The following ENPEP variants were observed in gnomAD, a reference collection of about 807,000 sequenced individuals.
The protein encoded by ENPEP is glutamyl aminopeptidase, also known as AP-A.
In ENPEP, 103 loss-of-function variants were observed where a neutral mutation model predicts 114.5. The observed-to-expected ratio is 0.90, with a 90% CI of 0.77 to 1.06. The LOEUF is 1.06. Among genes scored for constraint, ENPEP ranks in the 50% least tolerant of loss-of-function variants. ENPEP has a pLI of 0.00. For missense variants in ENPEP, 1,196 were observed against 1,161.3 expected (o/e 1.03, Z -0.43); for synonymous variants, 420 against 422.0 (o/e 1.00, Z 0.06).
intron 8 of ENPEP, 167 bp downstream of exon 8, chr4:110,515,609 C>T: frequency 3.2e-6 from 2 of 632,298 alleles, no homozygotes; most frequent in South Asian, 1.8e-5. Context: ...CAATTGAGTA[C>T]CTACATTGTA....
intron 18 of ENPEP, among the ~76,000 whole-genome samples, chr4:110,558,666 C>T (rs1482202016): frequency 6.6e-6 from 1 of 152,070 alleles, no homozygotes; most frequent in African/African-American, 2.4e-5. Flanking sequence ...CCTCAACATT[C>T]CAGGGGTTTA....
chr4:110,488,020 T>C (rs910283525), intron 1 of ENPEP, among the ~76,000 whole-genome samples: 1 of 152,226 alleles, frequency 6.6e-6, no homozygotes, highest in African/African-American at 2.4e-5. Flanking sequence ...TTTGTCCCTG[T>C]TGTAACATAA....
At chr4:110,538,988 G>T (rs1560567071) in intron 11 of ENPEP, among the ~76,000 whole-genome samples, 1 of 152,080 alleles carries the variant, frequency 6.6e-6, no homozygotes, top group Non-Finnish European at 1.5e-5. Context: ...ATATGGGTGT[G>T]GTTCGTGGCT....
At chr4:110,507,835 T>C (rs555218983) in intron 4 of ENPEP, among the ~76,000 whole-genome samples, 11 of 151,946 alleles carry the variant, frequency 7.2e-5, no homozygotes, top group African/African-American at 2.7e-4. Context: ...ATTAGCCAGG[T>C]GTTGTGGCAC....
intron 17 of ENPEP, among the ~76,000 whole-genome samples, chr4:110,551,083 G>A (rs1293237965): frequency 2.2e-5 from 3 of 136,812 alleles, no homozygotes; most frequent in African/African-American, 8.3e-5. Context: ...GTGAGACCTC[G>A]TATCTATTTA....
At position 110,503,257 on chromosome 4, in the gene ENPEP, G is replaced by A. The variant is rs535954774; in HGVS notation, c.919-3380G>A. Among the ~76,000 whole-genome samples the A allele has an allele frequency of 3.3e-4, 50 of 152,142 alleles. 1 individual carries two copies. Among genetic ancestry groups the A allele is most frequent in the East Asian group, 1.9e-3 (10 of 5,180 alleles). On this transcript the variant is annotated intron_variant, in intron 3 of 19. Transcript: ENST00000265162. ...ACTGGATGTTTTCTTTATTTTTGTC[G>A]GACTGAGTTAGTTTGGGGAGCCAGT...
At chr4:110,533,974 G>A (rs776964085) in intron 11 of ENPEP, among the ~76,000 whole-genome samples, 1 of 152,146 alleles carries the variant, frequency 6.6e-6, no homozygotes, top group East Asian at 1.9e-4. Flanking sequence ...ATCATGTCTG[G>A]TCACTGAGCC....
chr4:110,531,174 T>C lies in ENPEP; in HGVS notation c.1728-24T>C, dbSNP rs1726391447. 22 of 1,355,254 alleles carry C rather than the reference T, an allele frequency of 1.6e-5. No individual in the cohort carries two copies. The East Asian group carries it at 5.8e-4, about 36-fold the overall frequency. The allele number at this position is 1,355,254 out of a possible 1,614,324, so 84.0% of individuals were successfully genotyped here. ...TTATCTTTTAGTAATAAAAGTTAAA[T>C]TTTTCTTTTTAAAAAAATTTTAGTT... On this transcript the variant is annotated intron_variant, in intron 10 of 19. Transcript: ENST00000265162.
At chr4:110,526,400 C>T (rs1245853400) in intron 10 of ENPEP, among the ~76,000 whole-genome samples, 2 of 152,168 alleles carry the variant, frequency 1.3e-5, no homozygotes, top group Non-Finnish European at 2.9e-5. Flanking sequence ...CTATTTTAAG[C>T]ACTTCAGATG....
In ENPEP at chr4:110,506,525, A is replaced by C. The variant is rs983894188; in HGVS notation, c.919-112A>C. 2.7e-6 allele frequency: 3 copies of C among 1,097,740 alleles called. No homozygotes were observed. The African/African-American group carries it at 4.8e-5, about 18-fold the overall frequency. 68.0% of individuals were successfully genotyped at this position (1,097,740 alleles called of 1,614,324 possible). A position where few individuals can be genotyped will look rare whatever the true frequency, so the allele number is the denominator to read the frequency against. On this transcript the variant is annotated intron_variant, in intron 3 of 19. Transcript: ENST00000265162. ...GAGGCAGAATTGGAATTCAAATTAG[A>C]CATATCTGGCTCCAAAGCCCACTTT...
At position 110,549,726 on chromosome 4, in the gene ENPEP, A is replaced by T; in HGVS notation, c.2341A>T (p.Asn781Tyr). The change falls in exon 17 of 20, where the codon AAT (asparagine) becomes TAT (tyrosine). Residue 781 changes from asparagine to tyrosine, a missense_variant. Transcript: ENST00000265162. ...TGTTTCTTCTTCTAGCCTTCCCGTAAATCTCAGGCTTCTGGTGTATCGGTA... is the reference window on the plus strand; with the variant it reads ...TGTTTCTTCTTCTAGCCTTCCCGTATATCTCAGGCTTCTGGTGTATCGGTA... ...WLNGTVSLPV[N>Y]LRLLVYRYGM... The T allele has an allele frequency of 6.2e-7, 1 of 1,612,846 alleles. No homozygotes were observed. The highest frequency in any genetic ancestry group is 8.5e-7 in the Non-Finnish European group (1 of 1,179,390).
At chr4:110,542,471 C>T (rs17041884) in intron 11 of ENPEP, among the ~76,000 whole-genome samples, 36,885 of 151,852 alleles carry the variant, frequency 0.24, 4,832 homozygotes, top group Non-Finnish European at 0.27. Flanking sequence ...GAAATTATTT[C>T]GCCCATTTGA....
Position 110,476,268 on chromosome 4 carries a change from G to T in ENPEP, c.-147G>T, listed in dbSNP as rs1189908967. 14 of 954,520 alleles carry T rather than the reference G, an allele frequency of 1.5e-5. No individual in the cohort carries two copies. The South Asian group carries it at 2.2e-4, about 15-fold the overall frequency. 59.1% of individuals were successfully genotyped at this position (954,520 alleles called of 1,614,324 possible). On this transcript the variant is annotated 5_prime_UTR_variant, in exon 1 of 20. Coordinates refer to ENST00000265162, the MANE Select transcript of ENPEP (RefSeq NM_001977.4). ...AACGTGAAAAGGGAGAGGAAAAGGCGCAAGAAGCCAGAGAGAGGGGTGTGG... is the reference window on the plus strand; with the variant it reads ...AACGTGAAAAGGGAGAGGAAAAGGCTCAAGAAGCCAGAGAGAGGGGTGTGG...
At chr4:110,553,938 G>A (rs145462318) in intron 18 of ENPEP, among the ~76,000 whole-genome samples, 2 of 152,038 alleles carry the variant, frequency 1.3e-5, no homozygotes, top group Non-Finnish European at 2.9e-5. Context: ...TCTTAAAAGG[G>A]AATTATATTT....
chr4:110,488,817 A>T (rs1560551666), intron 2 of ENPEP, 135 bp downstream of exon 2: 1 of 1,241,384 alleles, frequency 8.1e-7, no homozygotes. Flanking sequence ...TAGCTGAGTG[A>T]AATACATTTT....
At chr4:110,540,923 G>C (rs764548656) in intron 11 of ENPEP, among the ~76,000 whole-genome samples, 3 of 152,188 alleles carry the variant, frequency 2.0e-5, no homozygotes, top group South Asian at 2.1e-4. Flanking sequence ...GACACAGAGG[G>C]GTCAAGTGAT....
At chr4:110,519,496 C>CT in intron 8 of ENPEP, 1 of 164,368 alleles carries the variant, frequency 6.1e-6, no homozygotes, top group Non-Finnish European at 1.3e-5. Flanking sequence ...TGAAAACTCA[C>CT]ATATAGAAAG....
intron 19 of ENPEP, among the ~76,000 whole-genome samples, chr4:110,561,102 A>G (rs1412955621): frequency 6.6e-6 from 1 of 152,126 alleles, no homozygotes; most frequent in Non-Finnish European, 1.5e-5. Flanking sequence ...GGGAATTCAG[A>G]GAAAATAGAG....
chr4:110,501,365 A>G (rs1465130199), intron 3 of ENPEP, among the ~76,000 whole-genome samples: 1 of 152,126 alleles, frequency 6.6e-6, no homozygotes, highest in Non-Finnish European at 1.5e-5. Context: ...GGTTTGGTGT[A>G]CAGATTGTTT....
Sources: gnomAD v4.1 joint callset for allele counts (sites outside exome capture counted in the v4.1 genomes callset) on GRCh38, gnomAD v4.1.1 for gene constraint, MANE v1.5 for transcripts, NCBI Gene and HGNC (gene_info 2026-07-23, HGNC 2026-07-21) for gene names.